The following CFAP77 variants were observed in gnomAD, a reference collection of about 807,000 sequenced individuals.
CFAP77 encodes the protein cilia and flagella associated protein 77.
In CFAP77, 25 loss-of-function variants were observed where a neutral mutation model predicts 31.1. The ratio of observed to expected loss-of-function variants is 0.80; its 90% CI spans 0.59 to 1.12. The LOEUF is 1.12. CFAP77 is among the 50% of genes most tolerant of loss of function. The pLI is 0.00. For missense variants in CFAP77, 377 were observed against 397.3 expected (o/e 0.95, Z 0.44); for synonymous variants, 151 against 159.9 (o/e 0.94, Z 0.42).
intron 3 of CFAP77, among the ~76,000 whole-genome samples, chr9:132,503,014 T>C (rs1450362758): frequency 6.6e-6 from 1 of 152,212 alleles, no homozygotes; most frequent in Non-Finnish European, 1.5e-5. Flanking sequence ...CATCGCCTCT[T>C]TGGTAAGTTT....
At chr9:132,451,575 A>T (rs1850828068) in intron 1 of CFAP77, among the ~76,000 whole-genome samples, 1 of 151,064 alleles carries the variant, frequency 6.6e-6, no homozygotes, top group Non-Finnish European at 1.5e-5. Context: ...GCCACCCAGC[A>T]TCTACACTGC....
intron 1 of CFAP77, among the ~76,000 whole-genome samples, chr9:132,427,629 A>T (rs372433881): frequency 6.6e-6 from 1 of 152,216 alleles, no homozygotes; most frequent in African/African-American, 2.4e-5. Flanking sequence ...AAAAACAACA[A>T]CAAAAAAACA....
chr9:132,477,446 G>C (rs951957398), intron 1 of CFAP77, among the ~76,000 whole-genome samples: 4 of 152,224 alleles, frequency 2.6e-5, no homozygotes, highest in Admixed American at 2.6e-4. Flanking sequence ...AAATTCATCA[G>C]TAGAATACAT....
chr9:132,523,195 C>A (rs970040541), intron 3 of CFAP77, among the ~76,000 whole-genome samples: 2 of 151,762 alleles, frequency 1.3e-5, no homozygotes, highest in African/African-American at 4.8e-5. Context: ...TCAAGCAATT[C>A]TCCTGCCTCA....
chr9:132,558,308 A>G (rs80311259), intron 5 of CFAP77, among the ~76,000 whole-genome samples: 1 of 152,246 alleles, frequency 6.6e-6, no homozygotes, highest in Admixed American at 6.5e-5. Flanking sequence ...AAACGATACT[A>G]TCAAGAAAAT....
intron 5 of CFAP77, among the ~76,000 whole-genome samples, chr9:132,562,387 G>T (rs780366422): frequency 4.6e-5 from 7 of 152,262 alleles, no homozygotes; most frequent in Non-Finnish European, 8.8e-5. Context: ...TGACCTCTGA[G>T]AACATTCTTT....
intron 3 of CFAP77, among the ~76,000 whole-genome samples, chr9:132,516,471 G>A (rs1852149309): frequency 6.6e-6 from 1 of 152,146 alleles, no homozygotes; most frequent in African/African-American, 2.4e-5. Context: ...GTGCAGTGTG[G>A]AAGGGAGGTG....
chr9:132,429,285 A>G (rs1850364186), intron 1 of CFAP77, among the ~76,000 whole-genome samples: 1 of 151,992 alleles, frequency 6.6e-6, no homozygotes, highest in African/African-American at 2.4e-5. Flanking sequence ...TCACACCTGT[A>G]AACCCAGCAC....
chr9:132,459,070 CTAT>C (rs1564211417), intron 1 of CFAP77, among the ~76,000 whole-genome samples: 4 of 141,712 alleles, frequency 2.8e-5, no homozygotes, highest in Admixed American at 7.7e-5. Flanking sequence ...AGCCCTGAAA[CTAT>C]TTTTTTTTTT....
rs144506421 is a variant in CFAP77, at chr9:132,547,299, C to T, written c.732+4252C>T. On this transcript the variant is annotated intron_variant, in intron 5 of 5. Coordinates refer to ENST00000393216, the MANE Select transcript of CFAP77 (RefSeq NM_001282957.2). ...GTCAGGTGGCTTTACCTGTCTGTGACCCACTTCCTCTTCCATAAAATGGGC... is the reference window on the plus strand; with the variant it reads ...GTCAGGTGGCTTTACCTGTCTGTGATCCACTTCCTCTTCCATAAAATGGGC... Among the ~76,000 whole-genome samples the T allele has an allele frequency of 5.1e-3, 775 of 152,282 alleles. 15 individuals are homozygous for T. The East Asian group carries it at 0.056, about 11-fold the overall frequency.
In CFAP77 at chr9:132,481,718, C is replaced by T. The variant is rs1443891246; in HGVS notation, c.196-16977C>T. On this transcript the variant is annotated intron_variant, in intron 1 of 5. Transcript: ENST00000393216. This position sits in a 1 kb window ranked among gnomAD's most constrained non-coding sequence, Gnocchi z 5.0. Reference sequence around the variant, plus strand: ...AAGAGCCGCCGCTTCCTCTCCCAGCCGACCCCAGCCTTATTAACAGGCTTC... The same window carrying T: ...AAGAGCCGCCGCTTCCTCTCCCAGCTGACCCCAGCCTTATTAACAGGCTTC... 2.6e-5 allele frequency among the ~76,000 whole-genome samples: 4 copies of T among 152,214 alleles called. No individual in the cohort carries two copies. Among genetic ancestry groups the T allele is most frequent in the Admixed American group, 2.0e-4 (3 of 15,292 alleles).
At chr9:132,427,933 C>T (rs1000847200) in intron 1 of CFAP77, among the ~76,000 whole-genome samples, 8 of 151,990 alleles carry the variant, frequency 5.3e-5, no homozygotes, top group Admixed American at 2.0e-4. Context: ...TTTGAAGAGA[C>T]GGAGTTCAAC....
In CFAP77 at chr9:132,537,505, C is replaced by A. The variant is rs2119054553; in HGVS notation, c.525-96C>A. The A allele has an allele frequency of 4.9e-6, 4 of 818,288 alleles. No homozygotes were observed. In the East Asian group the frequency reaches 9.9e-5, roughly 20 times the overall value. 50.7% of individuals were successfully genotyped at this position (818,288 alleles called of 1,614,324 possible). A position where few individuals can be genotyped will look rare whatever the true frequency, so the allele number is the denominator to read the frequency against. On this transcript the variant is annotated intron_variant, in intron 3 of 5. Transcript: ENST00000393216. ...GGTGGGAGTGATGTACCCCACAGCCCCTGACGTTTAGGAGGCTCCCGGGGG... is the reference window on the plus strand; with the variant it reads ...GGTGGGAGTGATGTACCCCACAGCCACTGACGTTTAGGAGGCTCCCGGGGG...
At chr9:132,474,850 T>G (rs1851325175) in intron 1 of CFAP77, among the ~76,000 whole-genome samples, 1 of 152,238 alleles carries the variant, frequency 6.6e-6, no homozygotes, top group African/African-American at 2.4e-5. Context: ...ACTAATCATA[T>G]TTCTTCAAAT....
intron 5 of CFAP77, among the ~76,000 whole-genome samples, chr9:132,566,438 C>T (rs763609982): frequency 5.9e-5 from 9 of 152,212 alleles, no homozygotes; most frequent in South Asian, 4.1e-4. Context: ...AAATGCACAG[C>T]GCCCAGCAAA....
intron 3 of CFAP77, among the ~76,000 whole-genome samples, chr9:132,509,985 CA>C (rs1184044076): frequency 2.0e-5 from 3 of 152,306 alleles, no homozygotes; most frequent in Non-Finnish European, 2.9e-5. Context: ...AGGACAGAGA[CA>C]TTTTTCATGC....
intron 5 of CFAP77, among the ~76,000 whole-genome samples, chr9:132,544,293 G>A (rs984656003): frequency 5.3e-5 from 8 of 152,220 alleles, no homozygotes; most frequent in Non-Finnish European, 1.0e-4. Context: ...GGCCGAGTAC[G>A]TTTGGGAGGT....
At position 132,561,410 on chromosome 9, in the gene CFAP77, G is replaced by A. The variant is rs142301946; in HGVS notation, c.733-10978G>A. On this transcript the variant is annotated intron_variant, in intron 5 of 5. Transcript: ENST00000393216. ...TTTGCCTTGTTAGTCTCCAGACCTGGCACTGGAAGCTTGGTGTTTAGTTAG... is the reference window on the plus strand; with the variant it reads ...TTTGCCTTGTTAGTCTCCAGACCTGACACTGGAAGCTTGGTGTTTAGTTAG... Among the ~76,000 whole-genome samples, 848 of 151,552 alleles carry A rather than the reference G, an allele frequency of 5.6e-3. 11 individuals are homozygous for A. The highest frequency in any genetic ancestry group is 0.019 in the African/African-American group (804 of 41,256).
In CFAP77 at chr9:132,490,074, G is replaced by T. The variant is rs994214869; in HGVS notation, c.196-8621G>T. On this transcript the variant is annotated intron_variant, in intron 1 of 5. Coordinates refer to ENST00000393216, the MANE Select transcript of CFAP77 (RefSeq NM_001282957.2). The surrounding 1 kb of genome is among the most constrained non-coding windows in gnomAD (Gnocchi z 4.6). ...TCTTTGCTTCCAAGATGGTGCCTTG[G>T]TGCTGTATCCCCCAGGGTGGGGACG... Among the ~76,000 whole-genome samples the T allele has an allele frequency of 6.6e-6, 1 of 152,098 alleles. No homozygotes were observed. The highest frequency in any genetic ancestry group is 1.5e-5 in the Non-Finnish European group (1 of 68,020).
Sources: allele counts gnomAD v4.1 joint callset (sites outside exome capture counted in the v4.1 genomes callset), GRCh38; gene constraint gnomAD v4.1.1; non-coding constraint Gnocchi (gnomAD v3.1); transcripts MANE v1.5; gene names NCBI Gene and HGNC (gene_info 2026-07-23, HGNC 2026-07-21).